Variants in ADAM32 observed in about 807,000 individuals in gnomAD.
ADAM32 encodes the protein ADAM metallopeptidase domain 32.
A neutral mutation model predicts 114.9 loss-of-function variants in ADAM32; 89 were observed. That is an observed-to-expected ratio of 0.77 (90% confidence interval 0.65 to 0.92). ADAM32 has a LOEUF of 0.92. ADAM32 is among the 40% of genes least tolerant of loss of function. ADAM32 has a pLI of 0.00. For missense variants in ADAM32, 870 were observed against 932.8 expected (o/e 0.93, Z 0.88); for synonymous variants, 285 against 307.5 (o/e 0.93, Z 0.77).
intron 22 of ADAM32, among the ~76,000 whole-genome samples, chr8:39,278,898 C>G (rs758510363): frequency 2.6e-4 from 39 of 152,138 alleles, no homozygotes; most frequent in Non-Finnish European, 4.7e-4. Flanking sequence ...AATGGTTACT[C>G]CTAGCTGAGA....
chr8:39,257,109 AT>A lies in ADAM32; in HGVS notation c.2006-77del. Reference sequence around the variant, plus strand: ...AACAATACAAATTCAGAAGATTTTAATGAATGTGTTGCAACTTGAAAGTAAA... The same window carrying A: ...AACAATACAAATTCAGAAGATTTTAAGAATGTGTTGCAACTTGAAAGTAAA... On this transcript the variant is annotated intron_variant, in intron 18 of 24. Transcript: ENST00000379907. 4 of 1,298,330 alleles carry A rather than the reference AT, an allele frequency of 3.1e-6. No homozygotes were observed. In the South Asian group the frequency reaches 4.8e-5, roughly 16 times the overall value. The allele number at this position is 1,298,330 out of a possible 1,614,324, so 80.4% of individuals were successfully genotyped here. A position where few individuals can be genotyped will look rare whatever the true frequency, so the allele number is the denominator to read the frequency against.
intron 10 of ADAM32, among the ~76,000 whole-genome samples, chr8:39,183,293 C>T (rs575779752): frequency 6.6e-6 from 1 of 152,230 alleles, no homozygotes; most frequent in East Asian, 1.9e-4. Context: ...CTTAGCCCTA[C>T]CAGCACTCCC....
At chr8:39,205,817 T>G (rs1807792631) in intron 11 of ADAM32, among the ~76,000 whole-genome samples, 1 of 152,238 alleles carries the variant, frequency 6.6e-6, no homozygotes, top group African/African-American at 2.4e-5. Context: ...GTGCTCTGTT[T>G]TGTCTCACTA....
chr8:39,170,979 G>C (rs1805149285), intron 10 of ADAM32, among the ~76,000 whole-genome samples: 1 of 152,034 alleles, frequency 6.6e-6, no homozygotes, highest in Admixed American at 6.6e-5. Context: ...TTTATGCCAG[G>C]CTGGAGTGCA....
intron 14 of ADAM32, chr8:39,223,690 T>C (rs536309289): frequency 6.6e-6 from 1 of 152,164 alleles, no homozygotes; most frequent in South Asian, 2.1e-4. Context: ...ATTTCAAATA[T>C]ATAATAGAAT....
At chr8:39,107,876 C>T (rs1839991161) in intron 1 of ADAM32, 43 bp downstream of exon 1, 1 of 1,489,572 alleles carries the variant, frequency 6.7e-7, no homozygotes, top group Non-Finnish European at 8.9e-7. Flanking sequence ...GCGCTCGTCA[C>T]ACTGCGGCCC....
At chr8:39,202,955 T>G (rs973436183) in intron 11 of ADAM32, among the ~76,000 whole-genome samples, 9 of 152,262 alleles carry the variant, frequency 5.9e-5, no homozygotes, top group Non-Finnish European at 1.2e-4. Context: ...AGTGAGTTTC[T>G]TAATCCTGAG....
chr8:39,223,377 T>G, intron 14 of ADAM32, 139 bp downstream of exon 14: 1 of 399,588 alleles, frequency 2.5e-6, no homozygotes, highest in Non-Finnish European at 4.1e-6. Flanking sequence ...ATATATATTT[T>G]ATTATATATA....
At chr8:39,252,867 A>C (rs1188392657) in intron 17 of ADAM32, among the ~76,000 whole-genome samples, 1 of 151,692 alleles carries the variant, frequency 6.6e-6, no homozygotes, top group Non-Finnish European at 1.5e-5. Context: ...AATCAAGAAT[A>C]AATAGCCTGA....
chr8:39,261,194 T>C (rs1311117869), intron 19 of ADAM32, among the ~76,000 whole-genome samples: 1 of 152,208 alleles, frequency 6.6e-6, no homozygotes, highest in Non-Finnish European at 1.5e-5. Flanking sequence ...TTGTAGACTT[T>C]AGCAAATCTT....
intron 16 of ADAM32, among the ~76,000 whole-genome samples, chr8:39,238,280 A>G (rs565659433): frequency 1.3e-5 from 2 of 152,298 alleles, no homozygotes; most frequent in South Asian, 2.1e-4. Context: ...CCAAGTACCA[A>G]CTGAAAGTCC....
chr8:39,271,617 GA>G (rs1344565515), intron 20 of ADAM32, among the ~76,000 whole-genome samples: 2 of 151,372 alleles, frequency 1.3e-5, no homozygotes, highest in East Asian at 3.9e-4. Flanking sequence ...TAAAGGAGCT[GA>G]AAAAAGATTT....
intron 17 of ADAM32, among the ~76,000 whole-genome samples, chr8:39,249,891 T>C (rs1811176082): frequency 6.6e-6 from 1 of 152,120 alleles, no homozygotes; most frequent in African/African-American, 2.4e-5. Context: ...GGATTAAATA[T>C]TTCACTCCTC....
Position 39,165,194 on chromosome 8 carries a change from A to C in ADAM32, c.831A>C (p.Leu277=), listed in dbSNP as rs1564517024. The change falls in exon 9 of 25, where the codon CTA becomes CTC. Residue 277 remains leucine, a splice_region_variant and synonymous_variant. Coordinates refer to ENST00000379907, the MANE Select transcript of ADAM32 (RefSeq NM_145004.7). ...NLRPHDIAYL[L]IYMDYPRYLG... ...GGCCTCATGATATTGCATATCTACT[A>C]ATGTAAGAATAATGTTTCATTATTC... 6.6e-7 allele frequency: 1 copy of C among 1,517,820 alleles called. No individual in the cohort carries two copies. The highest frequency in any genetic ancestry group is 8.9e-7 in the Non-Finnish European group (1 of 1,121,906). The allele number at this position is 1,517,820 out of a possible 1,614,324, so 94.0% of individuals were successfully genotyped here.
At chr8:39,276,800 G>A (rs113733950) in intron 22 of ADAM32, among the ~76,000 whole-genome samples, 47 of 151,978 alleles carry the variant, frequency 3.1e-4, no homozygotes, top group African/African-American at 1.0e-3. Context: ...TGTGAGCAAG[G>A]GAGTTACCAT....
At position 39,184,389 on chromosome 8, in the gene ADAM32, A is replaced by G. The variant is rs186106233; in HGVS notation, c.916-2520A>G. On this transcript the variant is annotated intron_variant, in intron 10 of 24. Coordinates refer to ENST00000379907, the MANE Select transcript of ADAM32 (RefSeq NM_145004.7). Reference sequence around the variant, plus strand: ...TGCTAGTATTTCTATTCCAGCCATAATTCTGGGATTTGGAAAATAATAGTA... The same window carrying G: ...TGCTAGTATTTCTATTCCAGCCATAGTTCTGGGATTTGGAAAATAATAGTA... Among the ~76,000 whole-genome samples, 3 of 152,318 alleles carry G rather than the reference A, an allele frequency of 2.0e-5. No individual in the cohort carries two copies. The East Asian group carries it at 5.8e-4, about 29-fold the overall frequency.
intron 2 of ADAM32, among the ~76,000 whole-genome samples, chr8:39,125,173 C>T (rs1271669458): frequency 1.6e-4 from 24 of 152,226 alleles, no homozygotes; most frequent in East Asian, 3.9e-4. Flanking sequence ...TCACATCCTT[C>T]GCCCAATTTT....
intron 10 of ADAM32, 35 bp downstream of exon 10, chr8:39,170,032 C>A: frequency 7.1e-7 from 1 of 1,414,926 alleles, no homozygotes. Context: ...TTTAAATTAA[C>A]ACGTTTAAAA....
chr8:39,284,664 C>A, intron 24 of ADAM32, 129 bp from the exon 25 acceptor site: 2 of 972,548 alleles, frequency 2.1e-6, no homozygotes, highest in Non-Finnish European at 3.1e-6. Flanking sequence ...AAATTGTAAA[C>A]ATCCTTTCAA....
Sources: gnomAD v4.1 joint callset for allele counts (sites outside exome capture counted in the v4.1 genomes callset) on GRCh38, gnomAD v4.1.1 for gene constraint, MANE v1.5 for transcripts, NCBI Gene and HGNC (gene_info 2026-07-23, HGNC 2026-07-21) for gene names.